Variants in PALS2 observed in about 807,000 individuals in gnomAD.
PALS2 encodes protein associated with LIN7 2, MAGUK p55 family member.
Under a neutral mutation model 61.6 loss-of-function variants are expected in PALS2, and 27 were observed. That is an observed-to-expected ratio of 0.44 (90% CI 0.32 to 0.60). The LOEUF is 0.60. PALS2 is among the 20% of genes least tolerant of loss of function. The probability of loss-of-function intolerance (pLI) is 0.05; values close to 1 mark genes in which losing one functional copy is unlikely to be tolerated. For synonymous variants in PALS2, 236 were observed against 218.6 expected (o/e 1.08, Z -0.70); for missense variants, 554 against 639.4 (o/e 0.87, Z 1.44).
intron 2 of PALS2, among the ~76,000 whole-genome samples, chr7:24,630,669 T>C (rs1283719268): frequency 6.6e-6 from 1 of 152,182 alleles, no homozygotes; most frequent in Non-Finnish European, 1.5e-5. Flanking sequence ...AAGGACAGGC[T>C]GACTCTTTGG....
In PALS2 at chr7:24,687,664, A is replaced by G. The variant is rs750409014; in HGVS notation, c.*50A>G. The stretch of plus-strand genomic sequence containing the variant: ...AATTAAACTCTTAAAAAGTGACTGC[A>G]ACAAATAAACCTTCTACTGAGAAAA... On this transcript the variant is annotated 3_prime_UTR_variant, in exon 12 of 12. Transcript: ENST00000222644. This position sits in a 1 kb window ranked among gnomAD's most constrained non-coding sequence, Gnocchi z 4.5. 4 of 1,511,424 alleles carry G rather than the reference A, an allele frequency of 2.6e-6. No individual in the cohort carries two copies. Among genetic ancestry groups the G allele is most frequent in the Non-Finnish European group, 3.6e-6 (4 of 1,122,828 alleles). 93.6% of individuals were successfully genotyped at this position (1,511,424 alleles called of 1,614,324 possible).
chr7:24,667,084 CAAAG>C (rs1366005110), intron 8 of PALS2: 7 of 152,040 alleles, frequency 4.6e-5, no homozygotes, highest in South Asian at 4.1e-4. Flanking sequence ...GGAAATTGTG[CAAAG>C]AAAGAGTTAC....
intron 1 of PALS2, among the ~76,000 whole-genome samples, chr7:24,590,360 C>T (rs190516688): frequency 1.3e-5 from 2 of 152,174 alleles, no homozygotes; most frequent in African/African-American, 4.8e-5. Flanking sequence ...TTCTGTGCAG[C>T]CCAGTTAGAG....
intron 1 of PALS2, among the ~76,000 whole-genome samples, chr7:24,615,845 A>G (rs116554046): frequency 0.017 from 2,531 of 152,254 alleles, 84 homozygotes; most frequent in African/African-American, 0.058. Flanking sequence ...CAACACATCA[A>G]AAAGATCATA....
chr7:24,657,349 A>G (rs974078352), intron 5 of PALS2, among the ~76,000 whole-genome samples: 3 of 152,198 alleles, frequency 2.0e-5, no homozygotes, highest in African/African-American at 4.8e-5. Context: ...GAAAGTTCCA[A>G]TTACTCTACA....
At chr7:24,673,116 A>G (rs1181701103) in intron 9 of PALS2, among the ~76,000 whole-genome samples, 1 of 152,218 alleles carries the variant, frequency 6.6e-6, no homozygotes, top group East Asian at 1.9e-4. Context: ...AAGAAAGGGT[A>G]CTAGATCTTG....
intron 9 of PALS2, among the ~76,000 whole-genome samples, chr7:24,678,330 C>A (rs919209046): frequency 6.6e-6 from 1 of 152,124 alleles, no homozygotes; most frequent in African/African-American, 2.4e-5. Context: ...TTGAGCTATT[C>A]AATCTCATTT....
At chr7:24,665,741 T>G (rs1786982023) in intron 7 of PALS2, 54 bp downstream of exon 7, 1 of 1,465,634 alleles carries the variant, frequency 6.8e-7, no homozygotes, top group African/African-American at 1.4e-5. Context: ...CACCTTTCTT[T>G]GTCTCTTTTG....
At chr7:24,632,713 C>A (rs1026701604) in intron 2 of PALS2, among the ~76,000 whole-genome samples, 1 of 151,002 alleles carries the variant, frequency 6.6e-6, no homozygotes, top group African/African-American at 2.5e-5. Context: ...TGCTTTAGAT[C>A]ACTGATGTTT....
chr7:24,665,958 A>T, intron 7 of PALS2, 63 bp from the exon 8 acceptor site: 1 of 1,467,038 alleles, frequency 6.8e-7, no homozygotes. Context: ...GTAAAATACT[A>T]TAGGGCAATT....
chr7:24,619,822 T>C (rs1784428073), intron 1 of PALS2, among the ~76,000 whole-genome samples: 2 of 151,298 alleles, frequency 1.3e-5, no homozygotes, highest in African/African-American at 4.9e-5. Context: ...TGAGAAGGAG[T>C]GGAACTTGTA....
chr7:24,691,021 C>T lies in PALS2; in HGVS notation c.*3407C>T, dbSNP rs957533443. 2.0e-5 allele frequency: 3 copies of T among 151,796 alleles called. No individual in the cohort carries two copies. Among genetic ancestry groups the T allele is most frequent in the Admixed American group, 2.0e-4 (3 of 15,238 alleles). 9.4% of individuals were successfully genotyped at this position (151,796 alleles called of 1,614,324 possible). A position where few individuals can be genotyped will look rare whatever the true frequency, so the allele number is the denominator to read the frequency against. ...TACTAACTGCTTTGACCATAATATCCCAATGACAATAAAAAATGATCCTTG... is the reference window on the plus strand; with the variant it reads ...TACTAACTGCTTTGACCATAATATCTCAATGACAATAAAAAATGATCCTTG... On this transcript the variant is annotated 3_prime_UTR_variant, in exon 12 of 12. Coordinates refer to ENST00000222644, the MANE Select transcript of PALS2 (RefSeq NM_001303037.2).
chr7:24,609,406 T>G (rs1369130464), intron 1 of PALS2, among the ~76,000 whole-genome samples: 1 of 151,806 alleles, frequency 6.6e-6, no homozygotes, highest in Non-Finnish European at 1.5e-5. Context: ...GAAGGAAGAG[T>G]ACTCTGGATA....
rs75044713 is a variant in PALS2 at position 24,689,389 on chromosome 7, A to G, written c.*1775A>G. ...TCATCTTTGTCTGGTGTTAGGTGCC[A>G]GACACCTGGCTGCTGAATTTGTTTT... On this transcript the variant is annotated 3_prime_UTR_variant, in exon 12 of 12. Transcript: ENST00000222644. The G allele has an allele frequency of 6.6e-6, 1 of 152,204 alleles. No homozygotes were observed. The allele number at this position is 152,204 out of a possible 1,614,324, so 9.4% of individuals were successfully genotyped here.
intron 3 of PALS2, among the ~76,000 whole-genome samples, chr7:24,642,361 C>T (rs1274503738): frequency 1.3e-5 from 2 of 151,964 alleles, no homozygotes; most frequent in Admixed American, 1.3e-4. Flanking sequence ...ATGGCCTGTA[C>T]CAATGAAGAG....
chr7:24,593,683 T>C (rs914418055), intron 1 of PALS2, among the ~76,000 whole-genome samples: 1 of 152,090 alleles, frequency 6.6e-6, no homozygotes, highest in African/African-American at 2.4e-5. Context: ...AGCAGTAATA[T>C]TTTGAAAGGA....
At chr7:24,674,420 C>A (rs1383851378) in intron 9 of PALS2, 2 of 153,204 alleles carry the variant, frequency 1.3e-5, no homozygotes, top group African/African-American at 4.8e-5. Flanking sequence ...CACCACAGTG[C>A]TGATCTTTTT....
chr7:24,604,324 A>C (rs1176562016), intron 1 of PALS2, among the ~76,000 whole-genome samples: 1 of 152,140 alleles, frequency 6.6e-6, no homozygotes, highest in East Asian at 1.9e-4. Context: ...AAAAGAACCA[A>C]GTAGAGATTT....
chr7:24,601,037 C>T (rs1251176239), intron 1 of PALS2, among the ~76,000 whole-genome samples: 2 of 152,238 alleles, frequency 1.3e-5, no homozygotes, highest in East Asian at 3.9e-4. Context: ...GAGGCTACTA[C>T]ATCGAACATT....
Sources: allele counts gnomAD v4.1 joint callset (sites outside exome capture counted in the v4.1 genomes callset), GRCh38; gene constraint gnomAD v4.1.1; non-coding constraint Gnocchi (gnomAD v3.1); transcripts MANE v1.5; gene names NCBI Gene and HGNC (gene_info 2026-07-23, HGNC 2026-07-21).